CUX1: variants seen among roughly 807,000 people sequenced by gnomAD.
CUX1 encodes the protein cut like homeobox 1.
A neutral mutation model predicts 158.8 loss-of-function variants in CUX1; 31 were observed. The observed-to-expected ratio is 0.20, with a 90% CI of 0.15 to 0.26. The LOEUF (loss-of-function observed/expected upper bound fraction) is 0.26. Ranked by LOEUF, CUX1 falls within the 10% of genes least tolerant of loss-of-function variation. The probability of loss-of-function intolerance (pLI) is 1.00; values close to 1 mark genes in which losing one functional copy is unlikely to be tolerated. For synonymous variants in CUX1, 879 were observed against 862.1 expected, an observed-to-expected ratio of 1.02 and a Z score of -0.34; for missense variants, 1,589 against 2,014.6, an observed-to-expected ratio of 0.79 and a Z score of 4.04.
intron 4 of CUX1, among the ~76,000 whole-genome samples, chr7:102,081,221 C>G (rs1004303472): frequency 1.3e-5 from 2 of 152,164 alleles, no homozygotes; most frequent in Non-Finnish European, 2.9e-5. Flanking sequence ...CCCTCCCTAT[C>G]TAAAACTCCA....
intron 2 of CUX1, among the ~76,000 whole-genome samples, chr7:101,990,578 T>C (rs1814975866): frequency 6.6e-6 from 1 of 152,160 alleles, no homozygotes; most frequent in African/African-American, 2.4e-5. Flanking sequence ...GGTTTCACCA[T>C]GTTGGCCAGG....
At chr7:102,016,534 T>C (rs1216029407) in intron 2 of CUX1, among the ~76,000 whole-genome samples, 2 of 152,264 alleles carry the variant, frequency 1.3e-5, no homozygotes, top group South Asian at 2.1e-4. Flanking sequence ...CTCCAAAAAA[T>C]AATGATACTC....
chr7:101,874,926 C>T (rs530879279), intron 1 of CUX1, among the ~76,000 whole-genome samples: 3 of 152,324 alleles, frequency 2.0e-5, no homozygotes, highest in South Asian at 2.1e-4. Flanking sequence ...CCCAGAGCAT[C>T]GAGGACAGAC....
chr7:102,198,563 A>G (rs868994075), intron 15 of CUX1, among the ~76,000 whole-genome samples: 33 of 152,324 alleles, frequency 2.2e-4, no homozygotes, highest in African/African-American at 6.5e-4. Context: ...CCTGGCCTCA[A>G]TGCCGTAGGT....
intron 2 of CUX1, among the ~76,000 whole-genome samples, chr7:101,950,482 C>T (rs1300116244): frequency 1.3e-5 from 2 of 152,048 alleles, no homozygotes; most frequent in African/African-American, 4.8e-5. Flanking sequence ...TTGAAATCTA[C>T]AGTTTAGTGG....
intron 10 of CUX1, among the ~76,000 whole-genome samples, chr7:102,174,112 T>TTTTG (rs1305398257): frequency 5.3e-5 from 8 of 151,810 alleles, no homozygotes; most frequent in African/African-American, 9.7e-5. Context: ...CTTTGCATAG[T>TTTTG]TTTGTTTGTT....
At chr7:102,204,794 C>G (rs1018120348) in intron 19 of CUX1, among the ~76,000 whole-genome samples, 1 of 152,252 alleles carries the variant, frequency 6.6e-6, no homozygotes, top group Admixed American at 6.5e-5. Context: ...ATTTTATAAG[C>G]AGCAGAAAAT....
chr7:101,831,095 C>T (rs1793942099), intron 1 of CUX1, among the ~76,000 whole-genome samples: 1 of 152,028 alleles, frequency 6.6e-6, no homozygotes, highest in Admixed American at 6.6e-5. Flanking sequence ...GCGAGGTGTC[C>T]AATGGCAGCG....
At position 102,202,046 on chromosome 7, in the gene CUX1, G is replaced by A. The variant is rs782251934; in HGVS notation, c.2749G>A (p.Val917Met). The A allele has an allele frequency of 1.1e-5, 17 of 1,613,922 alleles. No individual in the cohort carries two copies. The highest frequency in any genetic ancestry group is 1.7e-5 in the Admixed American group (1 of 59,996). ...CAGCCCCCTGCCATCCTCCCCGATC[G>A]TGCCCATGTCCAAGCCCACCAAGCC... Reference protein sequence around the residue: ...QNSPLPSSPIVPMSKPTKPSV... With the variant: ...QNSPLPSSPIMPMSKPTKPSV... The change falls in exon 18 of 24, where the codon GTG (valine) becomes ATG (methionine). Residue 917 changes from valine (V) to methionine (M), a missense_variant. Physicochemically the swap from Val to Met is conservative, Grantham distance 21 (BLOSUM62 1). This residue lies in a region of CUX1 where 337 missense variants were observed against 409.3 expected (regional missense o/e 0.82). Coordinates refer to ENST00000292535, the MANE Select transcript of CUX1 (RefSeq NM_181552.4).
chr7:102,222,708 C>T (rs574085486), intron 20 of CUX1, among the ~76,000 whole-genome samples: 8 of 151,424 alleles, frequency 5.3e-5, no homozygotes, highest in South Asian at 4.2e-4. Flanking sequence ...CTGTCACTAA[C>T]GCACACTTGG....
At chr7:102,269,946 C>T (rs895988685) in intron 14 of CUX1, among the ~76,000 whole-genome samples, 1 of 152,194 alleles carries the variant, frequency 6.6e-6, no homozygotes, top group Non-Finnish European at 1.5e-5. Flanking sequence ...CAAGCACCTT[C>T]GTGCTTACCA....
rs551661884 is a variant in CUX1 at position 101,918,019 on chromosome 7, CAAAG to C, written c.141+1798_141+1801del. On this transcript the variant is annotated intron_variant, in intron 2 of 23. Coordinates refer to ENST00000292535, the MANE Select transcript of CUX1 (RefSeq NM_181552.4). ...AAAACGTTTTGTGGTTAAAAACAAA[CAAAG>C]AAACAAAAAAACCCAGAAAATCTTA... Among the ~76,000 whole-genome samples the C allele has an allele frequency of 1.5e-4, 23 of 152,212 alleles. No homozygotes were observed. The East Asian group carries it at 4.4e-3, about 29-fold the overall frequency.
At chr7:101,842,419 G>C (rs185951337) in intron 1 of CUX1, among the ~76,000 whole-genome samples, 2 of 151,758 alleles carry the variant, frequency 1.3e-5, no homozygotes, top group South Asian at 4.2e-4. Context: ...ACAGAGTCTC[G>C]CTGCATCACC....
intron 2 of CUX1, among the ~76,000 whole-genome samples, chr7:102,005,041 G>A (rs1381213616): frequency 6.6e-6 from 1 of 152,224 alleles, no homozygotes; most frequent in African/African-American, 2.4e-5. Flanking sequence ...CTGGGAGAGA[G>A]CATCTGCTGC....
chr7:102,065,446 C>T (rs1825437403), intron 3 of CUX1, among the ~76,000 whole-genome samples: 1 of 152,126 alleles, frequency 6.6e-6, no homozygotes, highest in African/African-American at 2.4e-5. Context: ...CTCCTGCCTC[C>T]ATTTCCTAAA....
intron 4 of CUX1, among the ~76,000 whole-genome samples, chr7:102,073,715 A>C (rs1281161663): frequency 6.6e-6 from 1 of 152,208 alleles, no homozygotes; most frequent in Admixed American, 6.5e-5. Context: ...AATTTTGATC[A>C]TAGCATGGGT....
intron 4 of CUX1, among the ~76,000 whole-genome samples, chr7:102,071,770 G>A (rs1049312005): frequency 9.2e-5 from 14 of 152,140 alleles, no homozygotes; most frequent in Non-Finnish European, 1.6e-4. Flanking sequence ...AAAGCACTTC[G>A]GACAGGGAAT....
chr7:102,162,987 A>T (rs1321305123), intron 9 of CUX1, among the ~76,000 whole-genome samples: 1 of 152,208 alleles, frequency 6.6e-6, no homozygotes, highest in Non-Finnish European at 1.5e-5. Flanking sequence ...GAGGGATTGA[A>T]CAAGAAGGCT....
At chr7:102,195,995 G>C (rs1356668844) in intron 14 of CUX1, among the ~76,000 whole-genome samples, 1 of 152,200 alleles carries the variant, frequency 6.6e-6, no homozygotes, top group East Asian at 1.9e-4. Context: ...CGGGCCTGCC[G>C]GGTCCAGTAG....
Sources: gnomAD v4.1 joint callset for allele counts (sites outside exome capture counted in the v4.1 genomes callset) on GRCh38, gnomAD v4.1.1 for gene constraint, gnomAD v4.1.1 regional missense constraint, MANE v1.5 for transcripts, NCBI Gene and HGNC (gene_info 2026-07-23, HGNC 2026-07-21) for gene names.